The following CNTNAP2 variants were observed in gnomAD, a reference collection of about 807,000 sequenced individuals.
CNTNAP2 encodes contactin associated protein 2, also known as contactin-associated protein-like 2.
CNTNAP2 carries 98 observed loss-of-function variants against 155.2 expected under a neutral mutation model. That is an observed-to-expected ratio of 0.63 (90% CI 0.54 to 0.75). The LOEUF (loss-of-function observed/expected upper bound fraction) is 0.75. CNTNAP2 is among the 30% of genes least tolerant of loss of function. CNTNAP2 has a pLI of 0.00. For synonymous variants in CNTNAP2, 651 were observed against 631.2 expected (o/e 1.03, Z -0.47); for missense variants, 1,727 against 1,688.1 (o/e 1.02, Z -0.40).
intron 1 of CNTNAP2, among the ~76,000 whole-genome samples, chr7:146,236,141 C>T (rs931919382): frequency 6.6e-6 from 1 of 152,040 alleles, no homozygotes; most frequent in Non-Finnish European, 1.5e-5. Flanking sequence ...ATTATATTCT[C>T]ATTTTTTGTT....
chr7:146,574,957 G>A (rs978690346), intron 1 of CNTNAP2, among the ~76,000 whole-genome samples: 1 of 152,066 alleles, frequency 6.6e-6, no homozygotes, highest in African/African-American at 2.4e-5. Flanking sequence ...TTTGCACACT[G>A]CCTTTCTTTC....
chr7:146,615,853 GCTCAACAT>G (rs1283539664), intron 1 of CNTNAP2, among the ~76,000 whole-genome samples: 4 of 152,174 alleles, frequency 2.6e-5, no homozygotes, highest in South Asian at 2.1e-4. Flanking sequence ...GTGGTAGTCT[GCTCAACAT>G]CTCAACATCG....
At chr7:146,152,029 A>C (rs2116778983) in intron 1 of CNTNAP2, among the ~76,000 whole-genome samples, 1 of 151,960 alleles carries the variant, frequency 6.6e-6, no homozygotes, top group Non-Finnish European at 1.5e-5. Flanking sequence ...AGTCAAAGGA[A>C]ATAAAATCAG....
intron 8 of CNTNAP2, among the ~76,000 whole-genome samples, chr7:147,246,403 T>G (rs771083458): frequency 2.0e-5 from 3 of 152,104 alleles, no homozygotes; most frequent in Non-Finnish European, 4.4e-5. Flanking sequence ...CAAAATAGCA[T>G]GCAACAGAAA....
chr7:146,721,166 C>T (rs1170952494), intron 1 of CNTNAP2, among the ~76,000 whole-genome samples: 1 of 130,310 alleles, frequency 7.7e-6, no homozygotes, highest in Non-Finnish European at 1.6e-5. Flanking sequence ...TATATATTCT[C>T]TCTATATATT....
intron 8 of CNTNAP2, among the ~76,000 whole-genome samples, chr7:147,219,633 C>T (rs1803349139): frequency 6.6e-6 from 1 of 152,200 alleles, no homozygotes; most frequent in African/African-American, 2.4e-5. Flanking sequence ...AAATGTTAAT[C>T]TCCTTTGGCA....
At chr7:148,167,857 A>G (rs901204133) in intron 17 of CNTNAP2, among the ~76,000 whole-genome samples, 1 of 152,212 alleles carries the variant, frequency 6.6e-6, no homozygotes, top group East Asian at 1.9e-4. Context: ...AAGAATCAAG[A>G]CAGAAGCAGA....
intron 1 of CNTNAP2, among the ~76,000 whole-genome samples, chr7:146,158,490 C>A (rs1257274402): frequency 1.3e-5 from 2 of 152,110 alleles, no homozygotes; most frequent in Admixed American, 1.3e-4. Flanking sequence ...AGCTAAAAAC[C>A]TTGAAAAAAG....
intron 1 of CNTNAP2, among the ~76,000 whole-genome samples, chr7:146,335,872 G>A (rs1463679121): frequency 6.6e-6 from 1 of 151,960 alleles, no homozygotes; most frequent in Non-Finnish European, 1.5e-5. Flanking sequence ...TTAAAACAAG[G>A]AACACAAAAT....
intron 1 of CNTNAP2, among the ~76,000 whole-genome samples, chr7:146,627,513 A>G (rs1227447955): frequency 1.3e-5 from 2 of 152,190 alleles, no homozygotes; most frequent in Non-Finnish European, 2.9e-5. Flanking sequence ...AATATACTAA[A>G]TGTAATAATT....
intron 3 of CNTNAP2, among the ~76,000 whole-genome samples, chr7:146,895,712 C>G (rs1040913133): frequency 3.9e-5 from 6 of 152,034 alleles, no homozygotes; most frequent in Non-Finnish European, 7.4e-5. Flanking sequence ...CACATAACTT[C>G]TCCGAAAAAG....
chr7:148,357,142 C>G (rs1014507760), intron 21 of CNTNAP2, among the ~76,000 whole-genome samples: 1 of 152,092 alleles, frequency 6.6e-6, no homozygotes, highest in East Asian at 1.9e-4. Flanking sequence ...GGGAGGGACC[C>G]AGTGGGACGT....
intron 10 of CNTNAP2, among the ~76,000 whole-genome samples, chr7:147,407,062 C>G (rs370278617): frequency 6.6e-6 from 1 of 152,148 alleles, no homozygotes; most frequent in Admixed American, 6.5e-5. Flanking sequence ...AGTGAAGACC[C>G]CCCCCTCTGG....
chr7:146,907,583 T>C (rs1195307178), intron 3 of CNTNAP2, among the ~76,000 whole-genome samples: 2 of 147,106 alleles, frequency 1.4e-5, no homozygotes, highest in South Asian at 2.3e-4. Flanking sequence ...TAAAATACTT[T>C]ACAGACAAGC....
intron 1 of CNTNAP2, among the ~76,000 whole-genome samples, chr7:146,436,191 G>A (rs567896686): frequency 6.6e-6 from 1 of 152,176 alleles, no homozygotes; most frequent in South Asian, 2.1e-4. Context: ...GGCTAAGTCC[G>A]CATAATACTT....
intron 13 of CNTNAP2, among the ~76,000 whole-genome samples, chr7:147,746,069 G>T (rs561469276): frequency 6.6e-6 from 1 of 152,316 alleles, no homozygotes; most frequent in South Asian, 2.1e-4. Flanking sequence ...CAAATATGCA[G>T]GTTCTGTGTG....
chr7:146,235,266 G>T (rs1428863425), intron 1 of CNTNAP2, among the ~76,000 whole-genome samples: 1 of 151,214 alleles, frequency 6.6e-6, no homozygotes, highest in Non-Finnish European at 1.5e-5. Context: ...GGTGGGTTTT[G>T]GGGGAGGGTG....
intron 1 of CNTNAP2, among the ~76,000 whole-genome samples, chr7:146,768,487 A>G (rs1290050917): frequency 6.6e-6 from 1 of 151,720 alleles, no homozygotes; most frequent in Non-Finnish European, 1.5e-5. Flanking sequence ...GGGGGTAGAT[A>G]AAAGACCTCT....
chr7:147,799,912 G>A (rs868278424), intron 13 of CNTNAP2, among the ~76,000 whole-genome samples: 71 of 152,260 alleles, frequency 4.7e-4, no homozygotes, highest in African/African-American at 1.4e-3. Context: ...GATCTTTGCC[G>A]TTAAATCTTT....
Sources: allele counts gnomAD v4.1 joint callset (sites outside exome capture counted in the v4.1 genomes callset), GRCh38; gene constraint gnomAD v4.1.1; transcripts MANE v1.5; gene names NCBI Gene and HGNC (gene_info 2026-07-23, HGNC 2026-07-21).